The following ZNF367 variants were observed in gnomAD, a reference collection of about 807,000 sequenced individuals.
ZNF367 encodes C2H2 zinc finger protein ZFF29.
ZNF367 carries 11 observed loss-of-function variants against 31.8 expected under a neutral mutation model. That is an observed-to-expected ratio of 0.35 (90% CI 0.22 to 0.57). The LOEUF is 0.57. Among genes scored for constraint, ZNF367 ranks in the 20% least tolerant of loss-of-function variants. ZNF367 has a pLI of 0.85. For missense variants in ZNF367, 353 were observed against 484.1 expected (o/e 0.73, Z 2.54); for synonymous variants, 199 against 202.4 (o/e 0.98, Z 0.14).
intron 1 of ZNF367, chr9:96,407,884 G>A (rs560667368): frequency 6.2e-6 from 3 of 486,074 alleles, no homozygotes; most frequent in Non-Finnish European, 1.1e-5. Context: ...GGAATTACAG[G>A]CATGAGCCAC....
At chr9:96,392,671 AAAC>A (rs1831485910) in intron 3 of ZNF367, 135 bp from the exon 4 acceptor site, 1 of 1,308,166 alleles carries the variant, frequency 7.6e-7, no homozygotes, top group Non-Finnish European at 1.0e-6. Context: ...TTGGAGGAGA[AAAC>A]AATCAAACCA....
intron 1 of ZNF367, among the ~76,000 whole-genome samples, chr9:96,415,548 AG>A (rs1362011654): frequency 9.1e-6 from 1 of 110,266 alleles, no homozygotes; most frequent in South Asian, 3.3e-4. Flanking sequence ...CCCAGGCTGG[AG>A]TGCAATGGCG....
chr9:96,397,265 G>A (rs1831544189), intron 2 of ZNF367, among the ~76,000 whole-genome samples: 1 of 151,608 alleles, frequency 6.6e-6, no homozygotes. Flanking sequence ...TGAACTATAA[G>A]GTTCCTTCCT....
intron 1 of ZNF367, among the ~76,000 whole-genome samples, chr9:96,404,536 T>C (rs958685657): frequency 6.6e-6 from 1 of 151,388 alleles, no homozygotes; most frequent in Non-Finnish European, 1.5e-5. Context: ...GAGCTTGCAG[T>C]GAGCCGAGAT....
intron 1 of ZNF367, among the ~76,000 whole-genome samples, chr9:96,414,756 G>A (rs1045385980): frequency 7.2e-5 from 11 of 152,178 alleles, no homozygotes; most frequent in East Asian, 3.9e-4. Flanking sequence ...GATTACAGGC[G>A]TGAGCCTCCG....
chr9:96,394,824 A>T lies in ZNF367; in HGVS notation c.690T>A (p.Asn230Lys). The T allele has an allele frequency of 6.2e-7, 1 of 1,613,714 alleles. No individual in the cohort carries two copies. Among genetic ancestry groups the T allele is most frequent in the Non-Finnish European group, 8.5e-7 (1 of 1,179,774 alleles). ...TGEKPFVCSE[N>K]GCLSRFTHAN... ...TAAACTTAACTTCTAACACCGTACC[A>T]TTTTCTGAACAAACAAAAGGTTTCT... Residue 230 changes from asparagine (N) to lysine (K), a missense_variant and splice_region_variant, in exon 3 of 5, where the codon AAT becomes AAA. Physicochemically the swap from Asn to Lys is moderately conservative, Grantham distance 94. Coordinates refer to ENST00000375256, the MANE Select transcript of ZNF367 (RefSeq NM_153695.4).
intron 4 of ZNF367, among the ~76,000 whole-genome samples, chr9:96,391,539 A>G (rs1342020517): frequency 6.6e-6 from 1 of 152,170 alleles, no homozygotes; most frequent in Non-Finnish European, 1.5e-5. Flanking sequence ...AGGCAGGGCT[A>G]TGGCAGCACA....
chr9:96,410,129 G>A (rs1831723948), intron 1 of ZNF367, among the ~76,000 whole-genome samples: 1 of 151,878 alleles, frequency 6.6e-6, no homozygotes, highest in South Asian at 2.1e-4. Context: ...TGGGCGCAGT[G>A]GCGGGCGCCT....
intron 1 of ZNF367, among the ~76,000 whole-genome samples, chr9:96,404,762 G>C (rs1831650890): frequency 6.6e-6 from 1 of 151,964 alleles, no homozygotes; most frequent in Admixed American, 6.6e-5. Flanking sequence ...AAATTGGACT[G>C]AATCAAAATG....
chr9:96,404,278 A>G (rs1035589407), intron 1 of ZNF367, among the ~76,000 whole-genome samples: 2 of 150,206 alleles, frequency 1.3e-5, no homozygotes, highest in South Asian at 2.1e-4. Context: ...GGCTAACACG[A>G]TGAAACCCCG....
chr9:96,418,157 C>T lies in ZNF367; in HGVS notation c.-125G>A. ...CGGCTCATGGCAGACTGACGTTTCC[C>T]GGAATCCTGCGCAGCAGCCACCTAA... On this transcript the variant is annotated 5_prime_UTR_variant, in exon 1 of 5. Transcript: ENST00000375256. The T allele has an allele frequency of 8.0e-7, 1 of 1,246,350 alleles. No homozygotes were observed. Among genetic ancestry groups the T allele is most frequent in the Non-Finnish European group, 1.0e-6 (1 of 989,710 alleles). 77.2% of individuals were successfully genotyped at this position (1,246,350 alleles called of 1,614,324 possible).
At chr9:96,398,107 A>G in intron 2 of ZNF367, 57 bp downstream of exon 2, 1 of 954,156 alleles carries the variant, frequency 1.0e-6, no homozygotes, top group South Asian at 2.1e-5. Context: ...AAAAAAAAAA[A>G]AAAAAAAAAA....
In ZNF367 at chr9:96,398,087, CAAAAAAAAAAAAAA is replaced by C. The variant is rs374810647; in HGVS notation, c.571+63_571+76del. 3,631 of 379,234 alleles carry C rather than the reference CAAAAAAAAAAAAAA, an allele frequency of 9.6e-3. 6 individuals are homozygous for C. The highest frequency in any genetic ancestry group is 0.036 in the East Asian group (476 of 13,408). The allele number at this position is 379,234 out of a possible 1,614,324, so 23.5% of individuals were successfully genotyped here. ...CCTGGGCAACAGAGCGAGACTATCT[CAAAAAAAAAAAAAA>C]AAAAAAAAAAAAAAAAAAAAAGTGT... On this transcript the variant is annotated intron_variant, in intron 2 of 4. Coordinates refer to ENST00000375256, the MANE Select transcript of ZNF367 (RefSeq NM_153695.4).
chr9:96,410,345 C>T (rs10118598), intron 1 of ZNF367, among the ~76,000 whole-genome samples: 36,555 of 147,660 alleles, frequency 0.25, 6,105 homozygotes, highest in African/African-American at 0.49. Context: ...GTGGATCACG[C>T]GGTCAGGAGA....
At chr9:96,407,466 GA>G in intron 1 of ZNF367, 1 of 1,340,210 alleles carries the variant, frequency 7.5e-7, no homozygotes, top group Admixed American at 1.8e-5. Context: ...AAATATAAAT[GA>G]AAAAAAGACT....
intron 1 of ZNF367, among the ~76,000 whole-genome samples, chr9:96,413,332 CATG>C (rs1348647491): frequency 2.6e-5 from 4 of 152,180 alleles, no homozygotes; most frequent in Non-Finnish European, 4.4e-5. Flanking sequence ...ACTATGTTAA[CATG>C]ATGTTAGGTT....
At position 96,388,759 on chromosome 9, in the gene ZNF367, G is replaced by C. The variant is rs73541038; in HGVS notation, c.831-300C>G. 2.6e-3 allele frequency among the ~76,000 whole-genome samples: 403 copies of C among 152,312 alleles called. 1 individual carries two copies. Among genetic ancestry groups the C allele is most frequent in the African/African-American group, 9.1e-3 (380 of 41,568 alleles). ...TAAAGAGCCTGTGTGAAATGGACTT[G>C]AGTAAAATACAGAAATAGTAGAAAA... On this transcript the variant is annotated intron_variant, in intron 4 of 4. Coordinates refer to ENST00000375256, the MANE Select transcript of ZNF367 (RefSeq NM_153695.4).
intron 4 of ZNF367, among the ~76,000 whole-genome samples, chr9:96,390,565 T>C (rs1226508074): frequency 1.3e-5 from 2 of 152,106 alleles, no homozygotes; most frequent in African/African-American, 4.8e-5. Flanking sequence ...GTAGATGTCA[T>C]AACTTGGTCA....
rs755610725 is a variant in ZNF367 at position 96,417,934 on chromosome 9, C to T, written c.99G>A (p.Ser33=). 1 of 1,514,614 alleles carries T rather than the reference C, an allele frequency of 6.6e-7. No individual in the cohort carries two copies. 93.8% of individuals were successfully genotyped at this position (1,514,614 alleles called of 1,614,324 possible). Residue 33 remains serine, a synonymous_variant, in exon 1 of 5, where the codon TCG becomes TCA. Coordinates refer to ENST00000375256, the MANE Select transcript of ZNF367 (RefSeq NM_153695.4). This position sits in a 1 kb window ranked among gnomAD's most constrained non-coding sequence, Gnocchi z 5.0. ...GCTTGATCGGGGTCGTCCTGATGACCGACACCAGCACCCGCTTCGGGGAGT... is the reference window on the plus strand; with the variant it reads ...GCTTGATCGGGGTCGTCCTGATGACTGACACCAGCACCCGCTTCGGGGAGT... ...CHDSPKRVLV[S]VIRTTPIKPT...
Sources: gnomAD v4.1 joint callset for allele counts (sites outside exome capture counted in the v4.1 genomes callset) on GRCh38, gnomAD v4.1.1 for gene constraint, Gnocchi (gnomAD v3.1) non-coding constraint, MANE v1.5 for transcripts, NCBI Gene and HGNC (gene_info 2026-07-23, HGNC 2026-07-21) for gene names.